The following PRAG1 variants were observed in gnomAD, a reference collection of about 807,000 sequenced individuals.
The protein encoded by PRAG1 is inactive tyrosine-protein kinase PRAG1.
In PRAG1, 110 loss-of-function variants were observed where a neutral mutation model predicts 95.6. The observed-to-expected ratio is 1.15, with a 90% CI of 0.99 to 1.35. The LOEUF is 1.35. PRAG1 is among the 40% of genes most tolerant of loss of function. The pLI is 0.00. For missense variants in PRAG1, 2,554 were observed against 1,864.7 expected (o/e 1.37, Z -6.81); for synonymous variants, 1,052 against 819.4 (o/e 1.28, Z -4.85).
At chr8:8,353,850 A>AAGT (rs922594296) in intron 3 of PRAG1, among the ~76,000 whole-genome samples, 36 of 151,866 alleles carry the variant, frequency 2.4e-4, no homozygotes, top group South Asian at 4.2e-4. Context: ...GAAGATAAAG[A>AAGT]AGTAGTAGTA....
intron 3 of PRAG1, among the ~76,000 whole-genome samples, chr8:8,342,649 G>T (rs549561900): frequency 2.6e-5 from 4 of 152,200 alleles, no homozygotes; most frequent in African/African-American, 9.6e-5. Flanking sequence ...CCAGGACACA[G>T]ACCCAAGAAA....
intron 4 of PRAG1, 46 bp from the exon 5 acceptor site, chr8:8,328,507 C>G: frequency 1.3e-6 from 2 of 1,594,942 alleles, no homozygotes; most frequent in Non-Finnish European, 1.7e-6. Context: ...CAGTGCCACT[C>G]AATTCCAGGG....
At position 8,376,701 on chromosome 8, in the gene PRAG1, G is replaced by C; in HGVS notation, c.1708C>G (p.Leu570Val). The change falls in exon 3 of 6, where the codon CTG (leucine) becomes GTG (valine). Residue 570 changes from leucine (L) to valine (V), a missense_variant. Transcript: ENST00000615670. The stretch of plus-strand genomic sequence containing the variant: ...GAGCTCCCATCACTAAGGTCAGCCA[G>C]CGGTGACACTGGGGGCCCTCCAGCA... ...PSAGGPPVSP[L>V]ADLSDGSSGG... The C allele has an allele frequency of 6.2e-7, 1 of 1,611,468 alleles. No individual in the cohort carries two copies. Among genetic ancestry groups the C allele is most frequent in the Non-Finnish European group, 8.5e-7 (1 of 1,179,960 alleles).
chr8:8,331,182 C>G (rs1272175497), intron 4 of PRAG1, among the ~76,000 whole-genome samples: 1 of 152,180 alleles, frequency 6.6e-6, no homozygotes, highest in Non-Finnish European at 1.5e-5. Flanking sequence ...CATCCCAAGT[C>G]CAGTCGGCTA....
At chr8:8,381,137 CT>C (rs1211978927) in intron 2 of PRAG1, among the ~76,000 whole-genome samples, 2 of 151,980 alleles carry the variant, frequency 1.3e-5, no homozygotes, top group Non-Finnish European at 2.9e-5. Flanking sequence ...AAATTTAAAA[CT>C]TTTTTTTAAA....
At chr8:8,345,093 T>TGTGTGTGTGTGTGTGTGTG (rs1336588207) in intron 3 of PRAG1, among the ~76,000 whole-genome samples, 3 of 73,258 alleles carry the variant, frequency 4.1e-5, no homozygotes, top group African/African-American at 1.0e-4. Context: ...GTGTGTGTGT[T>TGTGTGTGTGTGTGTGTGTG]AGGGAGGAAG....
At chr8:8,342,067 G>A (rs533671869) in intron 3 of PRAG1, among the ~76,000 whole-genome samples, 1 of 152,180 alleles carries the variant, frequency 6.6e-6, no homozygotes, top group South Asian at 2.1e-4. Flanking sequence ...GGAGGCGGAG[G>A]TTGCAGTGAG....
intron 2 of PRAG1, 77 bp from the exon 3 acceptor site, chr8:8,378,155 G>T: frequency 3.4e-6 from 5 of 1,466,832 alleles, no homozygotes; most frequent in Non-Finnish European, 4.5e-6. Flanking sequence ...AAGTGAGAGG[G>T]AAGGGCAACG....
At chr8:8,350,659 G>A (rs1799491389) in intron 3 of PRAG1, among the ~76,000 whole-genome samples, 2 of 152,206 alleles carry the variant, frequency 1.3e-5, no homozygotes, top group African/African-American at 4.8e-5. Flanking sequence ...GATGGCCAAT[G>A]ATGTGGTGGT....
intron 3 of PRAG1, chr8:8,374,784 G>T: frequency 2.3e-6 from 2 of 862,692 alleles, no homozygotes; most frequent in Non-Finnish European, 2.8e-6. Flanking sequence ...TAGTGGTCAT[G>T]AGAAAAAAAC....
chr8:8,357,870 C>G (rs1452871138), intron 3 of PRAG1, among the ~76,000 whole-genome samples: 2 of 152,238 alleles, frequency 1.3e-5, no homozygotes, highest in Non-Finnish European at 2.9e-5. Flanking sequence ...TCCTCCTATA[C>G]TGTCACAATA....
intron 3 of PRAG1, among the ~76,000 whole-genome samples, chr8:8,355,094 CAA>C (rs1333933442): frequency 6.6e-6 from 1 of 151,530 alleles, no homozygotes; most frequent in Non-Finnish European, 1.5e-5. Flanking sequence ...GATCTACACA[CAA>C]AAACCAGTAG....
At chr8:8,328,791 C>A (rs1798731258) in intron 4 of PRAG1, among the ~76,000 whole-genome samples, 2 of 152,192 alleles carry the variant, frequency 1.3e-5, no homozygotes, top group African/African-American at 2.4e-5. Context: ...CACACACACA[C>A]ACACACACAA....
rs765141554 is a variant in PRAG1, at chr8:8,381,625, C to T, written c.123G>A (p.Gln41=). Residue 41 remains glutamine (Q), a synonymous_variant, in exon 2 of 6, where the codon CAG becomes CAA. Transcript: ENST00000615670. ...TGGGCTGGGGAGGGCCGGCCACCAG[C>T]TGGTGGTCGCTCCGCAGGCAGAAGC... is the stretch of plus-strand genomic sequence containing the variant. ...KNCFCLRSDH[Q]LVAGPPQPRA... 3.7e-6 allele frequency: 6 copies of T among 1,613,868 alleles called. No homozygotes were observed. Among genetic ancestry groups the T allele is most frequent in the East Asian group, 2.2e-5 (1 of 44,876 alleles).
intron 5 of PRAG1, among the ~76,000 whole-genome samples, chr8:8,327,357 G>A (rs953170584): frequency 2.0e-5 from 3 of 152,208 alleles, no homozygotes; most frequent in Admixed American, 1.3e-4. Flanking sequence ...ATCATCTGAG[G>A]TCAGGAGTTC....
chr8:8,350,458 G>A (rs996256473), intron 3 of PRAG1, among the ~76,000 whole-genome samples: 2 of 152,206 alleles, frequency 1.3e-5, no homozygotes, highest in Non-Finnish European at 2.9e-5. Flanking sequence ...GGAGCAGATG[G>A]GAAGAAAAGG....
chr8:8,373,692 G>C (rs548330712), intron 3 of PRAG1, among the ~76,000 whole-genome samples: 1 of 152,086 alleles, frequency 6.6e-6, no homozygotes, highest in African/African-American at 2.4e-5. Context: ...GGCTCAAGCA[G>C]TCTGCCTGCC....
chr8:8,384,203 C>A (rs1800774330), intron 1 of PRAG1, among the ~76,000 whole-genome samples: 1 of 152,118 alleles, frequency 6.6e-6, no homozygotes, highest in Admixed American at 6.6e-5. Context: ...CGACTTATTG[C>A]CTCCTCAACA....
chr8:8,318,149 T>G lies in PRAG1; in HGVS notation c.*5A>C. The G allele has an allele frequency of 6.2e-7, 1 of 1,609,564 alleles. No homozygotes were observed. The highest frequency in any genetic ancestry group is 8.5e-7 in the Non-Finnish European group (1 of 1,177,674). Reference sequence around the variant, plus strand: ...GGGCAGCGACGGTGCAGGCTGGGGCTTGGCTCACAGAAGCTGCAGGAGCTT... The same window carrying G: ...GGGCAGCGACGGTGCAGGCTGGGGCGTGGCTCACAGAAGCTGCAGGAGCTT... On this transcript the variant is annotated 3_prime_UTR_variant, in exon 6 of 6. Transcript: ENST00000615670. The surrounding 1 kb of genome is among the most constrained non-coding windows in gnomAD (Gnocchi z 4.2).
Sources: allele counts gnomAD v4.1 joint callset (sites outside exome capture counted in the v4.1 genomes callset), GRCh38; gene constraint gnomAD v4.1.1; non-coding constraint Gnocchi (gnomAD v3.1); transcripts MANE v1.5; gene names NCBI Gene and HGNC (gene_info 2026-07-23, HGNC 2026-07-21).